The following RBFOX1 variants were observed in gnomAD, a reference collection of about 807,000 sequenced individuals.
The protein encoded by RBFOX1 is RNA binding fox-1 homolog 1.
A neutral mutation model predicts 57.7 loss-of-function variants in RBFOX1; 8 were observed. The ratio of observed to expected loss-of-function variants is 0.14; its 90% CI spans 0.08 to 0.25. The LOEUF is 0.25. Ranked by LOEUF, RBFOX1 falls within the 10% of genes least tolerant of loss-of-function variation. The probability of loss-of-function intolerance (pLI) is 1.00; values close to 1 mark genes in which losing one functional copy is unlikely to be tolerated. For missense variants in RBFOX1, 611 were observed against 548.5 expected (o/e 1.11, Z -1.14); for synonymous variants, 326 against 222.4 (o/e 1.47, Z -4.15).
At chr16:6,953,818 C>T (rs190688876) in intron 3 of RBFOX1, among the ~76,000 whole-genome samples, 8 of 152,216 alleles carry the variant, frequency 5.3e-5, no homozygotes, top group African/African-American at 9.6e-5. Flanking sequence ...CTGATAGAAC[C>T]GAGAAAAATA....
At chr16:5,757,294 C>A (rs1185956998) in intron 3 of RBFOX1, among the ~76,000 whole-genome samples, 1 of 143,558 alleles carries the variant, frequency 7.0e-6, no homozygotes, top group Non-Finnish European at 1.5e-5. Context: ...TGCAGTGGTG[C>A]AATCTTGGTT....
chr16:6,653,487 T>C (rs2098616038), intron 2 of RBFOX1, among the ~76,000 whole-genome samples: 1 of 152,220 alleles, frequency 6.6e-6, no homozygotes, highest in Admixed American at 6.5e-5. Context: ...TCTGTCATTT[T>C]GTCTAATTAA....
chr16:6,148,443 C>T (rs1246262919), intron 1 of RBFOX1, among the ~76,000 whole-genome samples: 1 of 152,200 alleles, frequency 6.6e-6, no homozygotes, highest in Non-Finnish European at 1.5e-5. Context: ...TTTTGTTCTG[C>T]TCCCACCTCC....
intron 4 of RBFOX1, among the ~76,000 whole-genome samples, chr16:5,915,277 A>C (rs1451538611): frequency 1.3e-5 from 2 of 152,170 alleles, no homozygotes; most frequent in Non-Finnish European, 2.9e-5. Flanking sequence ...CCATCTATTA[A>C]TATTTTATTC....
intron 2 of RBFOX1, among the ~76,000 whole-genome samples, chr16:6,509,709 A>G (rs1335598613): frequency 6.6e-6 from 1 of 152,220 alleles, no homozygotes; most frequent in Non-Finnish European, 1.5e-5. Flanking sequence ...TTGCAGCACA[A>G]AAGATTAAAT....
intron 3 of RBFOX1, among the ~76,000 whole-genome samples, chr16:6,689,708 A>T (rs1391851002): frequency 6.6e-6 from 1 of 152,166 alleles, no homozygotes. Context: ...TCCGTCATTC[A>T]TGTTCTGTTT....
chr16:6,563,807 C>T (rs1463611236), intron 2 of RBFOX1, among the ~76,000 whole-genome samples: 2 of 151,396 alleles, frequency 1.3e-5, no homozygotes, highest in African/African-American at 4.9e-5. Flanking sequence ...GTCTAGGAGA[C>T]ACAGTGGGAT....
chr16:6,931,368 TACAC>T lies in RBFOX1; in HGVS notation c.-15-120687_-15-120684del, dbSNP rs1223706765. ...ACACACACACACACACACACATACA[TACAC>T]ATATATACATACATATATGTGTATG... On this transcript the variant is annotated intron_variant, in intron 3 of 15. Transcript: ENST00000550418. Among the ~76,000 whole-genome samples the T allele has an allele frequency of 8.8e-3, 1,319 of 150,114 alleles. 14 individuals carry two copies. Among genetic ancestry groups the T allele is most frequent in the African/African-American group, 0.032 (1,270 of 40,062 alleles).
intron 5 of RBFOX1, among the ~76,000 whole-genome samples, chr16:7,538,650 T>A (rs747313037): frequency 1.3e-4 from 20 of 152,172 alleles, no homozygotes; most frequent in Non-Finnish European, 2.8e-4. Context: ...TTTGCTTCAG[T>A]TATGCATTGC....
rs553224310 is a variant in RBFOX1, at chr16:7,710,363, C to G, written c.1072-260C>G. ...GAGACAGTGAAAATCCTTCCATTGTCCAGCTTATAATAGAGTCCTTTTAGC... is the reference window on the plus strand; with the variant it reads ...GAGACAGTGAAAATCCTTCCATTGTGCAGCTTATAATAGAGTCCTTTTAGC... On this transcript the variant is annotated intron_variant, in intron 15 of 15. Coordinates refer to ENST00000550418, the MANE Select transcript of RBFOX1 (RefSeq NM_018723.4). 5 of 1,312,032 alleles carry G rather than the reference C, an allele frequency of 3.8e-6. No individual in the cohort carries two copies. In the East Asian group the frequency reaches 1.7e-4, roughly 45 times the overall value. The allele number at this position is 1,312,032 out of a possible 1,614,324, so 81.3% of individuals were successfully genotyped here. A position where few individuals can be genotyped will look rare whatever the true frequency, so the allele number is the denominator to read the frequency against.
intron 4 of RBFOX1, among the ~76,000 whole-genome samples, chr16:7,255,729 T>G (rs543805144): frequency 7.5e-4 from 115 of 152,356 alleles, no homozygotes; most frequent in African/African-American, 2.7e-3. Flanking sequence ...TAATAAATTT[T>G]ACTTAATATA....
chr16:5,442,147 A>G (rs2068104202), intron 1 of RBFOX1, among the ~76,000 whole-genome samples: 1 of 152,224 alleles, frequency 6.6e-6, no homozygotes, highest in Non-Finnish European at 1.5e-5. Context: ...AGACCAAGAA[A>G]ACTTCCTAGA....
intron 2 of RBFOX1, among the ~76,000 whole-genome samples, chr16:6,536,758 A>G (rs1567597385): frequency 6.6e-6 from 1 of 152,208 alleles, no homozygotes; most frequent in Non-Finnish European, 1.5e-5. Flanking sequence ...TTAAAAGATT[A>G]AAGAGAGATT....
intron 5 of RBFOX1, among the ~76,000 whole-genome samples, chr16:7,577,993 G>A (rs2093466132): frequency 6.6e-6 from 1 of 152,256 alleles, no homozygotes; most frequent in Non-Finnish European, 1.5e-5. Flanking sequence ...ATGTGACAAG[G>A]AGGGCTGATT....
At chr16:6,281,103 G>A (rs765750101) in intron 1 of RBFOX1, among the ~76,000 whole-genome samples, 3 of 151,854 alleles carry the variant, frequency 2.0e-5, no homozygotes, top group Non-Finnish European at 4.4e-5. Flanking sequence ...TATGTCCAGT[G>A]GAAAGAGCAG....
chr16:5,600,691 C>G (rs568205794), downstream of RBFOX1, among the ~76,000 whole-genome samples: 1 of 152,106 alleles, frequency 6.6e-6, no homozygotes, highest in African/African-American at 2.4e-5. Flanking sequence ...CCCAAAATGA[C>G]TTTCCAGGCT....
intron 4 of RBFOX1, among the ~76,000 whole-genome samples, chr16:5,975,230 C>T (rs561472352): frequency 1.3e-5 from 2 of 152,252 alleles, no homozygotes; most frequent in South Asian, 2.1e-4. Flanking sequence ...CCTGATAAAT[C>T]GATCTCTACT....
intron 5 of RBFOX1, among the ~76,000 whole-genome samples, chr16:7,532,535 G>A (rs993897792): frequency 3.3e-5 from 5 of 152,204 alleles, no homozygotes; most frequent in African/African-American, 9.6e-5. Context: ...AATACAGGGC[G>A]TTGGCCATCT....
intron 2 of RBFOX1, among the ~76,000 whole-genome samples, chr16:6,505,376 C>T (rs1388393371): frequency 6.6e-6 from 1 of 152,108 alleles, no homozygotes. Flanking sequence ...GTAAAAATGG[C>T]ATTTGGGAAA....
Sources: gnomAD v4.1 joint callset for allele counts (sites outside exome capture counted in the v4.1 genomes callset) on GRCh38, gnomAD v4.1.1 for gene constraint, MANE v1.5 for transcripts, NCBI Gene and HGNC (gene_info 2026-07-23, HGNC 2026-07-21) for gene names.